Variants in ARHGAP23 observed in about 807,000 individuals in gnomAD.
ARHGAP23 encodes rho GTPase-activating protein 23.
ARHGAP23 carries 34 observed loss-of-function variants against 136.3 expected under a neutral mutation model. The observed-to-expected ratio is 0.25, with a 90% CI of 0.19 to 0.33. The LOEUF is 0.33. ARHGAP23 is among the 10% of genes least tolerant of loss of function. The pLI, the probability that ARHGAP23 is intolerant of heterozygous loss-of-function variation, is 1.00. For missense variants in ARHGAP23, 1,808 were observed against 2,139.0 expected (o/e 0.85, Z 3.05); for synonymous variants, 832 against 920.5 (o/e 0.90, Z 1.74).
In ARHGAP23 at chr17:38,469,286, C is replaced by T. The variant is rs1229779926; in HGVS notation, c.1791C>T (p.Tyr597=). 1.9e-6 allele frequency: 3 copies of T among 1,551,098 alleles called. No individual in the cohort carries two copies. Reference sequence around the variant, plus strand: ...TCACTTTCACCCTCGGACGCCATTACTCGCAGGACTGCAGTGAGCACTCCC... The same window carrying T: ...TCACTTTCACCCTCGGACGCCATTATTCGCAGGACTGCAGTGAGCACTCCC... ...PTFTFTLGRH[Y]SQDCSSIKAG... The change falls in exon 8 of 24, where the codon TAC becomes TAT. Residue 597 remains tyrosine (Y), a synonymous_variant. Coordinates refer to ENST00000622683, the MANE Select transcript of ARHGAP23 (RefSeq NM_001199417.2).
chr17:38,466,918 A>G lies in ARHGAP23; in HGVS notation c.1235A>G (p.Asp412Gly). Residue 412 changes from aspartate (D) to glycine (G), a missense_variant, in exon 7 of 24, where the codon GAT becomes GGT. Coordinates refer to ENST00000622683, the MANE Select transcript of ARHGAP23 (RefSeq NM_001199417.2). Reference sequence around the variant, plus strand: ...CCCCCGTCTGGCCTGCAGGGCCTGGATGACCTCGGGTACATCGGCTACCGG... The same window carrying G: ...CCCCCGTCTGGCCTGCAGGGCCTGGGTGACCTCGGGTACATCGGCTACCGG... ...APPPSGLQGLDDLGYIGYRSY... is the reference protein window; with the variant it reads ...APPPSGLQGLGDLGYIGYRSY... The G allele has an allele frequency of 6.4e-7, 1 of 1,550,500 alleles. No individual in the cohort carries two copies. The highest frequency in any genetic ancestry group is 8.7e-7 in the Non-Finnish European group (1 of 1,146,920).
intron 11 of ARHGAP23, among the ~76,000 whole-genome samples, chr17:38,474,176 C>T (rs540717362): frequency 5.9e-5 from 9 of 152,334 alleles, no homozygotes; most frequent in African/African-American, 1.9e-4. Flanking sequence ...CTGCCTTGGC[C>T]TCCCAAAGTG....
At chr17:38,474,542 G>A (rs1019644387) in intron 11 of ARHGAP23, among the ~76,000 whole-genome samples, 2 of 152,126 alleles carry the variant, frequency 1.3e-5, no homozygotes, top group Non-Finnish European at 1.5e-5. Context: ...TTTGGGGAGA[G>A]GAAGCCAAGT....
intron 1 of ARHGAP23, among the ~76,000 whole-genome samples, chr17:38,445,678 A>G (rs2039017136): frequency 6.6e-6 from 1 of 150,546 alleles, no homozygotes; most frequent in African/African-American, 2.4e-5. Flanking sequence ...TTTGTCACCC[A>G]GGCTGGAGTG....
At chr17:38,467,361 G>A (rs8065549) in intron 7 of ARHGAP23, 30 bp downstream of exon 7, 1,126,445 of 1,453,426 alleles carry the variant, frequency 0.78, 438,690 homozygotes, top group East Asian at 0.97. Context: ...GCTGTCCTGG[G>A]GGACTTAGCT....
intron 1 of ARHGAP23, among the ~76,000 whole-genome samples, chr17:38,420,470 G>C (rs1440098539): frequency 6.6e-6 from 1 of 152,212 alleles, no homozygotes; most frequent in Non-Finnish European, 1.5e-5. Flanking sequence ...GGGGGCCCTG[G>C]CTCTGAGACC....
intron 1 of ARHGAP23, among the ~76,000 whole-genome samples, chr17:38,441,303 C>T (rs923399949): frequency 3.3e-5 from 5 of 152,226 alleles, no homozygotes; most frequent in Admixed American, 6.5e-5. Context: ...GCCAGCCTGG[C>T]GCACTATTCA....
At chr17:38,506,848 G>A (rs186669301) in intron 23 of ARHGAP23, among the ~76,000 whole-genome samples, 65 of 152,326 alleles carry the variant, frequency 4.3e-4, no homozygotes, top group Non-Finnish European at 7.5e-4. Context: ...ATGACTGGCT[G>A]GTGGAACTGG....
At chr17:38,463,566 A>T (rs1465850959) in intron 6 of ARHGAP23, among the ~76,000 whole-genome samples, 184 bp downstream of exon 6, 1 of 152,054 alleles carries the variant, frequency 6.6e-6, no homozygotes, top group African/African-American at 2.4e-5. Context: ...GTGCTGGGGG[A>T]GCGGGAGACC....
At chr17:38,448,240 C>A (rs2039077117) in intron 1 of ARHGAP23, among the ~76,000 whole-genome samples, 1 of 152,124 alleles carries the variant, frequency 6.6e-6, no homozygotes, top group African/African-American at 2.4e-5. Context: ...GGGGGTGATG[C>A]CGGGAAGGAT....
rs1488520025 is a variant in ARHGAP23, at chr17:38,505,842, C to T, written c.3448-4102C>T. 4.6e-5 allele frequency among the ~76,000 whole-genome samples: 7 copies of T among 152,190 alleles called. No homozygotes were observed. The South Asian group carries it at 6.2e-4, about 13-fold the overall frequency. ...ACTCAGGCGGCTGAGGCAGGAGAAT[C>T]GCTTGAACTGGGGAGGTGGAGGTTG... On this transcript the variant is annotated intron_variant, in intron 23 of 23. Transcript: ENST00000622683.
At chr17:38,442,791 G>A (rs1261149222) in intron 1 of ARHGAP23, among the ~76,000 whole-genome samples, 1 of 152,242 alleles carries the variant, frequency 6.6e-6, no homozygotes, top group Non-Finnish European at 1.5e-5. Flanking sequence ...GGTGTGGTGA[G>A]TGTGGGGGCC....
intron 1 of ARHGAP23, among the ~76,000 whole-genome samples, chr17:38,429,502 T>C (rs962345615): frequency 3.9e-5 from 6 of 152,236 alleles, no homozygotes; most frequent in African/African-American, 1.4e-4. Context: ...TGTTCCTCTT[T>C]AGACAGGGCT....
intron 1 of ARHGAP23, among the ~76,000 whole-genome samples, chr17:38,436,804 C>A (rs2038808059): frequency 6.6e-6 from 1 of 152,188 alleles, no homozygotes; most frequent in African/African-American, 2.4e-5. Context: ...GATGGACCTG[C>A]AGCCTACACA....
At position 38,477,043 on chromosome 17, in the gene ARHGAP23, AGG is replaced by A. The variant is rs1567809515; in HGVS notation, c.2119-535_2119-534del. ...TGTGTCAGATGCCGCTGAGGGGTTAAGGCAAGTTGGGGAGAAGCAGCCACTGG... is the reference window on the plus strand; with the variant it reads ...TGTGTCAGATGCCGCTGAGGGGTTAACAAGTTGGGGAGAAGCAGCCACTGG... On this transcript the variant is annotated intron_variant, in intron 11 of 23. Transcript: ENST00000622683. The surrounding 1 kb of genome is among the most constrained non-coding windows in gnomAD (Gnocchi z 6.6). Among the ~76,000 whole-genome samples the A allele has an allele frequency of 6.6e-6, 1 of 152,114 alleles. No individual in the cohort carries two copies. The highest frequency in any genetic ancestry group is 1.9e-4 in the East Asian group (1 of 5,182).
Position 38,510,197 on chromosome 17 carries a change from C to G in ARHGAP23, c.3701C>G (p.Ala1234Gly). The change falls in exon 24 of 24, where the codon GCG becomes GGG. Residue 1234 changes from alanine (A) to glycine (G), a missense_variant. Transcript: ENST00000622683. The surrounding 1 kb of genome is among the most constrained non-coding windows in gnomAD (Gnocchi z 4.6). The stretch of plus-strand genomic sequence containing the variant: ...CCCGGACGCCTCAGTCCCCCGGCGG[C>G]GCCGGAGGAGCGGCCGGCCGCGGAC... ...EAPGRLSPPA[A>G]PEERPAADTR... 3 of 1,360,712 alleles carry G rather than the reference C, an allele frequency of 2.2e-6. No individual in the cohort carries two copies. The highest frequency in any genetic ancestry group is 1.9e-6 in the Non-Finnish European group (2 of 1,057,560). The allele number at this position is 1,360,712 out of a possible 1,614,324, so 84.3% of individuals were successfully genotyped here.
intron 17 of ARHGAP23, among the ~76,000 whole-genome samples, chr17:38,489,465 T>C (rs1015377873): frequency 6.8e-6 from 1 of 146,318 alleles, no homozygotes; most frequent in Non-Finnish European, 1.5e-5. Context: ...TAAATATCCA[T>C]ATGGCCCGCT....
upstream of ARHGAP23, among the ~76,000 whole-genome samples, chr17:38,428,240 G>A (rs567517210): frequency 3.7e-3 from 561 of 152,180 alleles, 4 homozygotes; most frequent in Non-Finnish European, 5.5e-3. Flanking sequence ...GGGCTCTGAC[G>A]TCCAGCTCTC....
intron 10 of ARHGAP23, 115 bp from the exon 11 acceptor site, chr17:38,471,748 C>T (rs1032201128): frequency 9.4e-5 from 116 of 1,234,178 alleles, no homozygotes; most frequent in South Asian, 5.1e-4. Flanking sequence ...CACAGCACAT[C>T]GGGGTGTAGC....
Sources: gnomAD v4.1 joint callset for allele counts (sites outside exome capture counted in the v4.1 genomes callset) on GRCh38, gnomAD v4.1.1 for gene constraint, Gnocchi (gnomAD v3.1) non-coding constraint, MANE v1.5 for transcripts, NCBI Gene and HGNC (gene_info 2026-07-23, HGNC 2026-07-21) for gene names.